The following RIPOR2 variants were observed in gnomAD, a reference collection of about 807,000 sequenced individuals.
RIPOR2 encodes the protein rho family-interacting cell polarization regulator 2.
A neutral mutation model predicts 114.5 loss-of-function variants in RIPOR2; 39 were observed. The ratio of observed to expected loss-of-function variants is 0.34; its 90% confidence interval spans 0.26 to 0.44. The LOEUF (loss-of-function observed/expected upper bound fraction) is 0.44, where lower values mean the gene tolerates loss of function less well. Ranked by LOEUF, RIPOR2 falls within the 20% of genes least tolerant of loss-of-function variation. RIPOR2 has a pLI of 1.00. For synonymous variants in RIPOR2, 445 were observed against 484.4 expected (o/e 0.92, Z 1.07); for missense variants, 1,007 against 1,255.1 (o/e 0.80, Z 2.99).
chr6:25,014,546 TCCC>T (rs902279825), intron 1 of RIPOR2, among the ~76,000 whole-genome samples: 21 of 152,292 alleles, frequency 1.4e-4, no homozygotes, highest in African/African-American at 4.6e-4. Context: ...CCACAGATAA[TCCC>T]CACAAGTCAT....
intron 1 of RIPOR2, among the ~76,000 whole-genome samples, chr6:24,980,292 A>G (rs971054587): frequency 5.9e-5 from 9 of 152,212 alleles, no homozygotes; most frequent in African/African-American, 2.2e-4. Flanking sequence ...TTCCCGATTT[A>G]TCTACTGAAG....
Position 24,875,819 on chromosome 6 carries a change from T to C in RIPOR2, c.62-2A>G, listed in dbSNP as rs768966110. ...TTTCCGGGAGTCTGGTCGGTAGTCC[T>C]AGAAGACAGTGGAAAGATCATGACA... On this transcript the variant is annotated splice_acceptor_variant, in intron 1 of 21. Transcript: ENST00000643898. LOFTEE classifies it high-confidence loss of function. 3 of 1,602,500 alleles carry C rather than the reference T, an allele frequency of 1.9e-6. No individual in the cohort carries two copies. The highest frequency in any genetic ancestry group is 2.6e-6 in the Non-Finnish European group (3 of 1,174,262).
At position 24,910,792 on chromosome 6, in the gene RIPOR2, AAGG is replaced by A. The variant is rs1769490908; in HGVS notation, c.61+25043_61+25045del. On this transcript the variant is annotated intron_variant, in intron 1 of 21. Transcript: ENST00000643898. ...GTTGTACGCAAAATCAGAAGCAAAA[AAGG>A]AGAAATGAAAAGGTGAACCTACCTA... 8 of 985,220 alleles carry A rather than the reference AAGG, an allele frequency of 8.1e-6. No individual in the cohort carries two copies. In the South Asian group the frequency reaches 3.3e-4, roughly 41 times the overall value. The allele number at this position is 985,220 out of a possible 1,614,324, so 61.0% of individuals were successfully genotyped here. A position where few individuals can be genotyped will look rare whatever the true frequency, so the allele number is the denominator to read the frequency against.
chr6:24,990,141 T>C (rs1180655395), intron 1 of RIPOR2, among the ~76,000 whole-genome samples: 1 of 152,242 alleles, frequency 6.6e-6, no homozygotes, highest in Admixed American at 6.5e-5. Flanking sequence ...TTTCAGTTCC[T>C]GGACATTTTC....
chr6:25,004,610 C>T (rs1775466757), intron 1 of RIPOR2, among the ~76,000 whole-genome samples: 1 of 152,192 alleles, frequency 6.6e-6, no homozygotes, highest in Admixed American at 6.5e-5. Flanking sequence ...GCTCAGCAGG[C>T]CAATCAGAGA....
At chr6:24,899,721 T>C (rs1434587683) in intron 1 of RIPOR2, among the ~76,000 whole-genome samples, 1 of 152,226 alleles carries the variant, frequency 6.6e-6, no homozygotes, top group Non-Finnish European at 1.5e-5. Flanking sequence ...CAGACAAAAG[T>C]CCTCACAAAA....
intron 1 of RIPOR2, among the ~76,000 whole-genome samples, chr6:24,980,213 C>A (rs946026468): frequency 6.6e-6 from 1 of 152,176 alleles, no homozygotes; most frequent in Admixed American, 6.5e-5. Flanking sequence ...CAATAAACAC[C>A]ATGAATGACT....
chr6:24,895,799 G>C (rs898714964), intron 1 of RIPOR2, among the ~76,000 whole-genome samples: 3 of 152,050 alleles, frequency 2.0e-5, no homozygotes, highest in Non-Finnish European at 2.9e-5. Context: ...GACCATCCTG[G>C]CCAACACGGT....
Position 24,830,442 on chromosome 6 carries a change from G to A in RIPOR2, c.2506+67C>T, listed in dbSNP as rs183628533. On this transcript the variant is annotated intron_variant, in intron 17 of 21. Coordinates refer to ENST00000643898, the MANE Select transcript of RIPOR2 (RefSeq NM_001286445.3). ...AGTGGTAGGAGGACCCCTCTCCCCC[G>A]ACCCCCACCCCAATGCCCACTCTCA... 4.5e-3 allele frequency: 3,143 copies of A among 693,490 alleles called. 22 individuals carry two copies. Among genetic ancestry groups the A allele is most frequent in the Middle Eastern group, 0.029 (59 of 2,018 alleles). 43.0% of individuals were successfully genotyped at this position (693,490 alleles called of 1,614,324 possible). A position where few individuals can be genotyped will look rare whatever the true frequency, so the allele number is the denominator to read the frequency against.
chr6:24,978,872 C>T (rs1774181653), intron 1 of RIPOR2, among the ~76,000 whole-genome samples: 1 of 152,138 alleles, frequency 6.6e-6, no homozygotes, highest in Admixed American at 6.5e-5. Flanking sequence ...GGGAGAATTT[C>T]AAAGCCAAGT....
chr6:24,952,207 GAATA>G (rs887599461), intron 1 of RIPOR2, among the ~76,000 whole-genome samples: 29 of 152,310 alleles, frequency 1.9e-4, no homozygotes, highest in African/African-American at 6.7e-4. Flanking sequence ...GTAAAGCGCA[GAATA>G]GTAAATGCCC....
chr6:24,988,011 C>G (rs1393640738), intron 1 of RIPOR2, among the ~76,000 whole-genome samples: 1 of 152,122 alleles, frequency 6.6e-6, no homozygotes, highest in Non-Finnish European at 1.5e-5. Flanking sequence ...CAGATGATAC[C>G]TAACTCCTGT....
At chr6:24,807,883 A>G (rs1302124852) in intron 21 of RIPOR2, among the ~76,000 whole-genome samples, 81 of 152,222 alleles carry the variant, frequency 5.3e-4, no homozygotes, top group Non-Finnish European at 2.9e-5. Flanking sequence ...TACTATCCTC[A>G]CTATATTAAT....
chr6:24,959,317 C>T (rs1032871998), intron 1 of RIPOR2, among the ~76,000 whole-genome samples: 2 of 152,128 alleles, frequency 1.3e-5, no homozygotes, highest in East Asian at 1.9e-4. Context: ...AACTGGTAGC[C>T]TTGGAGTTAA....
chr6:25,000,794 A>G (rs907204528), intron 1 of RIPOR2, among the ~76,000 whole-genome samples: 1 of 152,084 alleles, frequency 6.6e-6, no homozygotes, highest in Non-Finnish European at 1.5e-5. Flanking sequence ...GTTGTTCCCC[A>G]GCATGCTGGA....
intron 9 of RIPOR2, among the ~76,000 whole-genome samples, chr6:24,850,985 T>C (rs1293721034): frequency 6.6e-6 from 1 of 150,992 alleles, no homozygotes; most frequent in Non-Finnish European, 1.5e-5. Context: ...AACCTCCGCC[T>C]CCAGGGTTCA....
chr6:24,811,613 T>C (rs1171096473), intron 20 of RIPOR2, among the ~76,000 whole-genome samples: 3 of 152,100 alleles, frequency 2.0e-5, no homozygotes, highest in Middle Eastern at 6.8e-3. Context: ...CATCTTGCCA[T>C]TGAAAGGGAA....
chr6:25,030,354 CAG>C (rs1776863892), intron 1 of RIPOR2, among the ~76,000 whole-genome samples: 2 of 152,086 alleles, frequency 1.3e-5, no homozygotes, highest in Non-Finnish European at 2.9e-5. Context: ...TCAGAGGGTT[CAG>C]AGTCCCTCGT....
At chr6:24,960,375 T>A (rs887556657) in intron 1 of RIPOR2, among the ~76,000 whole-genome samples, 3 of 152,220 alleles carry the variant, frequency 2.0e-5, no homozygotes, top group Admixed American at 6.5e-5. Flanking sequence ...TGGAAGGGCC[T>A]AGGCTAATTC....
Sources: allele counts gnomAD v4.1 joint callset (sites outside exome capture counted in the v4.1 genomes callset), GRCh38; gene constraint gnomAD v4.1.1; transcripts MANE v1.5; gene names NCBI Gene and HGNC (gene_info 2026-07-23, HGNC 2026-07-21).